CES3: variants seen among roughly 807,000 people sequenced by gnomAD.
The protein encoded by CES3 is carboxylesterase 3 (brain).
CES3 carries 49 observed loss-of-function variants against 57.6 expected under a neutral mutation model. The ratio of observed to expected loss-of-function variants is 0.85; its 90% confidence interval spans 0.68 to 1.08. The LOEUF is 1.08. Ranked by LOEUF, CES3 falls within the 50% of genes least tolerant of loss-of-function variation. The pLI is 0.00. For missense variants in CES3, 645 were observed against 742.0 expected (o/e 0.87, Z 1.52); for synonymous variants, 266 against 281.6 (o/e 0.94, Z 0.55).
intron 1 of CES3, among the ~76,000 whole-genome samples, chr16:66,962,852 G>C (rs1217490122): frequency 1.3e-5 from 2 of 152,216 alleles, no homozygotes; most frequent in Non-Finnish European, 2.9e-5. Flanking sequence ...AGCCAAGATC[G>C]TGCCACTGCA....
intron 6 of CES3, 45 bp from the exon 7 acceptor site, chr16:66,966,199 G>A (rs1963726722): frequency 1.3e-6 from 2 of 1,567,782 alleles, no homozygotes; most frequent in Non-Finnish European, 1.7e-6. Context: ...GCAAGGTGGG[G>A]CTGAGTGGCT....
chr16:66,966,584 C>A, intron 7 of CES3, 141 bp from the exon 8 acceptor site: 1 of 1,111,184 alleles, frequency 9.0e-7, no homozygotes, highest in Non-Finnish European at 1.3e-6. Context: ...TTCCCCCGAC[C>A]CCCTTAACCC....
Position 66,963,524 on chromosome 16 carries a change from C to A in CES3, c.321C>A (p.Ser107Arg). ...AAGACGTGGAGAGCATGAACAGCAG[C>A]AGATTTGTCCTCAACGGAAAACAGC... is the stretch of plus-strand genomic sequence containing the variant. ...CLQDVESMNSSRFVLNGKQQI... is the reference protein window; with the variant it reads ...CLQDVESMNSRRFVLNGKQQI... The change falls in exon 3 of 13, where the codon AGC (serine) becomes AGA (arginine). Residue 107 changes from serine (S) to arginine (R), a missense_variant. Transcript: ENST00000303334. This position sits in a 1 kb window ranked among gnomAD's most constrained non-coding sequence, Gnocchi z 4.9. 1 of 1,614,128 alleles carries A rather than the reference C, an allele frequency of 6.2e-7. No individual in the cohort carries two copies. Among genetic ancestry groups the A allele is most frequent in the Non-Finnish European group, 8.5e-7 (1 of 1,179,974 alleles).
rs1963873498 is a variant in CES3 at position 66,973,169 on chromosome 16, C to T, written c.*120C>T. On this transcript the variant is annotated 3_prime_UTR_variant, in exon 13 of 13. Coordinates refer to ENST00000303334, the MANE Select transcript of CES3 (RefSeq NM_024922.6). ...TAATCTCCACCAGCCCTTAAAGTGTCGGCCGCTCTGTGACTGGAGTTATGC... is the reference window on the plus strand; with the variant it reads ...TAATCTCCACCAGCCCTTAAAGTGTTGGCCGCTCTGTGACTGGAGTTATGC... 1.1e-5 allele frequency: 10 copies of T among 872,092 alleles called. No individual in the cohort carries two copies. The highest frequency in any genetic ancestry group is 1.7e-5 in the South Asian group (1 of 57,176). The allele number at this position is 872,092 out of a possible 1,614,324, so 54.0% of individuals were successfully genotyped here.
chr16:66,967,423 A>C, intron 8 of CES3: 3 of 859,906 alleles, frequency 3.5e-6, no homozygotes, highest in Non-Finnish European at 4.2e-6. Context: ...TCTGGGCAGC[A>C]TATTCCTGCC....
chr16:66,964,578 C>T (rs1415741112), intron 5 of CES3, 45 bp from the exon 6 acceptor site: 1 of 1,612,206 alleles, frequency 6.2e-7, no homozygotes. Context: ...CTCCCAGCTC[C>T]TCTGCCCTCC....
At chr16:66,965,256 C>A (rs1176423584) in intron 6 of CES3, among the ~76,000 whole-genome samples, 5 of 152,214 alleles carry the variant, frequency 3.3e-5, no homozygotes, top group East Asian at 1.9e-4. Flanking sequence ...GCCTGGGAAT[C>A]TGGACTTTCT....
chr16:66,971,062 C>A, intron 9 of CES3, 110 bp from the exon 10 acceptor site: 2 of 1,258,608 alleles, frequency 1.6e-6, no homozygotes, highest in Non-Finnish European at 2.2e-6. Flanking sequence ...TCCCCTGGAC[C>A]ATCAGCCCTG....
rs1963702374 is a variant in CES3, at chr16:66,964,513, A to G, written c.714+3A>G. On this transcript the variant is annotated splice_donor_region_variant and intron_variant, in intron 5 of 12. Transcript: ENST00000303334. ...GTGGGAGCATCATCTCTGGCCTGGT[A>G]AGTCACTATAGGGGGCTAGTGATGG... 6.2e-7 allele frequency: 1 copy of G among 1,613,744 alleles called. No individual in the cohort carries two copies. The highest frequency in any genetic ancestry group is 1.3e-5 in the African/African-American group (1 of 74,856).
chr16:66,964,797 C>A, intron 6 of CES3, 70 bp downstream of exon 6: 1 of 1,302,016 alleles, frequency 7.7e-7, no homozygotes, highest in Non-Finnish European at 1.1e-6. Flanking sequence ...GCCCTGGGGT[C>A]TCAGAGTAGC....
rs560073556 is a variant in CES3, at chr16:66,968,339, A to AT, written c.1063-1332dup. On this transcript the variant is annotated intron_variant, in intron 8 of 12. Coordinates refer to ENST00000303334, the MANE Select transcript of CES3 (RefSeq NM_024922.6). The stretch of plus-strand genomic sequence containing the variant: ...GCCACCATGCCTGGCTAATTTTTGT[A>AT]TTTTTTTTAGTAGAGATGGGGTTTC... 1.5e-3 allele frequency among the ~76,000 whole-genome samples: 229 copies of AT among 151,282 alleles called. 2 individuals carry two copies. Among genetic ancestry groups the AT allele is most frequent in the Admixed American group, 4.2e-3 (64 of 15,190 alleles).
intron 7 of CES3, 21 bp from the exon 8 acceptor site, chr16:66,966,704 C>T: frequency 6.2e-7 from 1 of 1,613,796 alleles, no homozygotes; most frequent in Non-Finnish European, 8.5e-7. Context: ...TGGGAGCCTC[C>T]TGCATTGCTT....
chr16:66,966,437 G>A lies in CES3; in HGVS notation c.921+92G>A, dbSNP rs1963733388. On this transcript the variant is annotated intron_variant, in intron 7 of 12. Coordinates refer to ENST00000303334, the MANE Select transcript of CES3 (RefSeq NM_024922.6). The stretch of plus-strand genomic sequence containing the variant: ...GGAGCAGAGGGGCAGTCTACCCCCA[G>A]GTGGGGCTGGGGACAGCAGCTCATG... 3.1e-6 allele frequency: 4 copies of A among 1,302,288 alleles called. No individual in the cohort carries two copies. The Admixed American group carries it at 6.0e-5, about 20-fold the overall frequency. 80.7% of individuals were successfully genotyped at this position (1,302,288 alleles called of 1,614,324 possible).
Position 66,963,244 on chromosome 16 carries a change from G to A in CES3, c.148G>A (p.Val50Met), listed in dbSNP as rs149175900. ...TCGTGTGCGAGGCCGGCAGGTGGGC[G>A]TGAAGGGCACAGACCGCCTTGTGAA... ...LGRVRGRQVG[V>M]KGTDRLVNVF... is the part of the protein sequence containing the mutation. Residue 50 changes from valine to methionine, a missense_variant, in exon 2 of 13, where the codon GTG (valine) becomes ATG (methionine). Physicochemically the swap from Val to Met is conservative, Grantham distance 21. Transcript: ENST00000303334. The surrounding 1 kb of genome is among the most constrained non-coding windows in gnomAD (Gnocchi z 4.9). 68 of 1,613,986 alleles carry A rather than the reference G, an allele frequency of 4.2e-5. No individual in the cohort carries two copies. Among genetic ancestry groups the A allele is most frequent in the Non-Finnish European group, 5.3e-5 (63 of 1,180,028 alleles).
At chr16:66,968,868 T>C (rs1963782158) in intron 8 of CES3, among the ~76,000 whole-genome samples, 2 of 152,046 alleles carry the variant, frequency 1.3e-5, no homozygotes, top group Admixed American at 6.6e-5. Flanking sequence ...GAGCCGAGAC[T>C]GTCCCACTAT....
Position 66,963,587 on chromosome 16 carries a change from C to A in CES3, c.384C>A (p.Asn128Lys), listed in dbSNP as rs757129442. The change falls in exon 3 of 13, where the codon AAC (asparagine) becomes AAA (lysine). Residue 128 changes from asparagine (N) to lysine (K), a missense_variant. Physicochemically the swap from Asn to Lys is moderately conservative, Grantham distance 94. Transcript: ENST00000303334. This position sits in a 1 kb window ranked among gnomAD's most constrained non-coding sequence, Gnocchi z 4.9. ...TTTCAGAGGACTGCCTGGTCCTCAA[C>A]GTCTATAGCCCAGCTGAGGTCCCCG... ...FSVSEDCLVL[N>K]VYSPAEVPAG... 1.2e-6 allele frequency: 2 copies of A among 1,614,216 alleles called. No homozygotes were observed. Among genetic ancestry groups the A allele is most frequent in the Admixed American group, 1.7e-5 (1 of 60,022 alleles).
chr16:66,966,435 C>A, intron 7 of CES3, 90 bp downstream of exon 7: 1 of 1,336,374 alleles, frequency 7.5e-7, no homozygotes, highest in Non-Finnish European at 1.0e-6. Flanking sequence ...AGTCTACCCC[C>A]AGGTGGGGCT....
chr16:66,964,228 C>T (rs890827766), intron 4 of CES3, 129 bp from the exon 5 acceptor site: 27 of 1,302,118 alleles, frequency 2.1e-5, no homozygotes, highest in African/African-American at 3.0e-5. Context: ...ATGCCAACCA[C>T]GGCTCCCAGA....
rs1396635979 is a variant in CES3, at chr16:66,972,875, G to A, written c.1542G>A (p.Leu514=). ...CCAGGGACCCCAATAGCAAGGCTCT[G>A]CCTCCTTGGCCCCAATTCAACCAGG... ...ARTGDPNSKA[L]PPWPQFNQAE... The change falls in exon 13 of 13, where the codon CTG becomes CTA. Residue 514 remains leucine, a synonymous_variant. Transcript: ENST00000303334. 5 of 1,614,020 alleles carry A rather than the reference G, an allele frequency of 3.1e-6. No homozygotes were observed. Among genetic ancestry groups the A allele is most frequent in the Non-Finnish European group, 4.2e-6 (5 of 1,180,038 alleles).
Sources: gnomAD v4.1 joint callset for allele counts (sites outside exome capture counted in the v4.1 genomes callset) on GRCh38, gnomAD v4.1.1 for gene constraint, Gnocchi (gnomAD v3.1) non-coding constraint, MANE v1.5 for transcripts, NCBI Gene and HGNC (gene_info 2026-07-23, HGNC 2026-07-21) for gene names.